The following NDUFA5 variants were observed in gnomAD, a reference collection of about 807,000 sequenced individuals.
NDUFA5 encodes NADH:ubiquinone oxidoreductase subunit A5.
Under a neutral mutation model 19.8 loss-of-function variants are expected in NDUFA5, and 11 were observed. The observed-to-expected ratio is 0.56, with a 90% CI of 0.35 to 0.92. The LOEUF (loss-of-function observed/expected upper bound fraction) is 0.92. Ranked by LOEUF, NDUFA5 falls within the 40% of genes least tolerant of loss-of-function variation. The pLI is 0.01. For synonymous variants in NDUFA5, 47 were observed against 46.8 expected, an observed-to-expected ratio of 1.00 and a Z score of -0.01; for missense variants, 109 against 134.2, an observed-to-expected ratio of 0.81 and a Z score of 0.93.
the NDUFA5 span, among the ~76,000 whole-genome samples, chr7:123,583,951 C>T: frequency 5.9e-5 from 9 of 151,904 alleles, no homozygotes; most frequent in Non-Finnish European, 1.2e-4. Flanking sequence ...TCACTCCTTT[C>T]GGCTGTAAAT....
At chr7:123,550,697 T>G (rs977169214) in intron 2 of NDUFA5, 111 bp from the exon 3 acceptor site, 5 of 681,320 alleles carry the variant, frequency 7.3e-6, no homozygotes, top group East Asian at 5.4e-5. Flanking sequence ...TTTTTTTTTT[T>G]GCTTTTTTTT....
the NDUFA5 span, among the ~76,000 whole-genome samples, chr7:123,573,310 T>C: frequency 2.1e-5 from 3 of 144,442 alleles, no homozygotes; most frequent in Non-Finnish European, 4.5e-5. Flanking sequence ...TTTTTTGTCA[T>C]CTTAGGGTTT....
At chr7:123,549,017 A>G (rs1171037733) in intron 3 of NDUFA5, among the ~76,000 whole-genome samples, 1 of 138,614 alleles carries the variant, frequency 7.2e-6, no homozygotes, top group African/African-American at 2.6e-5. Flanking sequence ...TTGTAGTATT[A>G]TAAGTAACCT....
chr7:123,597,726 G>A, the NDUFA5 span, among the ~76,000 whole-genome samples: 2 of 152,142 alleles, frequency 1.3e-5, no homozygotes, highest in African/African-American at 4.8e-5. Flanking sequence ...AGCTACGCGG[G>A]AGGCTGAGGC....
chr7:123,583,115 GGT>G, the NDUFA5 span, among the ~76,000 whole-genome samples: 1 of 151,946 alleles, frequency 6.6e-6, no homozygotes, highest in Non-Finnish European at 1.5e-5. Context: ...TGTAGACCTA[GGT>G]GCAGTGGCTC....
At position 123,542,183 on chromosome 7, in the gene NDUFA5, T is replaced by C. The variant is rs890933718; in HGVS notation, c.287A>G (p.Glu96Gly). The change falls in exon 5 of 5, where the codon GAA becomes GGA. Residue 96 changes from glutamate to glycine, a missense_variant. Physicochemically the swap from Glu to Gly is moderately conservative, Grantham distance 98. Transcript: ENST00000355749. ...CACTAATGGCTCCCATAGTTTCCATTCCCTCATTTTTCTTGCCAGATTTAG... is the reference window on the plus strand; with the variant it reads ...CACTAATGGCTCCCATAGTTTCCATCCCCTCATTTTTCTTGCCAGATTTAG... ...HELNLARKMR[E>G]WKLWEPLVEE... 2 of 1,612,222 alleles carry C rather than the reference T, an allele frequency of 1.2e-6. No homozygotes were observed. Among genetic ancestry groups the C allele is most frequent in the African/African-American group, 1.3e-5 (1 of 74,832 alleles).
At chr7:123,592,370 T>C in the NDUFA5 span, among the ~76,000 whole-genome samples, 1 of 152,234 alleles carries the variant, frequency 6.6e-6, no homozygotes, top group East Asian at 1.9e-4. Flanking sequence ...CTTTTAATTG[T>C]GATGTTAGGG....
At chr7:123,582,906 C>T in the NDUFA5 span, among the ~76,000 whole-genome samples, 68 of 151,980 alleles carry the variant, frequency 4.5e-4, no homozygotes, top group Middle Eastern at 3.4e-3. Context: ...TCATTTAGAA[C>T]GCTCAGAAAT....
intron 3 of NDUFA5, among the ~76,000 whole-genome samples, chr7:123,547,911 G>A (rs754600244): frequency 3.3e-5 from 5 of 151,756 alleles, no homozygotes; most frequent in Admixed American, 6.6e-5. Flanking sequence ...TACCTCATTC[G>A]GTTCTAACAA....
the NDUFA5 span, chr7:123,598,896 A>G: frequency 6.6e-6 from 1 of 152,252 alleles, no homozygotes; most frequent in East Asian, 1.9e-4. Flanking sequence ...GGAGGAGTTC[A>G]GTGCTAATAG....
the NDUFA5 span, among the ~76,000 whole-genome samples, chr7:123,594,693 TG>T: frequency 6.6e-6 from 1 of 152,152 alleles, no homozygotes; most frequent in African/African-American, 2.4e-5. Context: ...ATGAGGTGTC[TG>T]TCAGCCCCTA....
At chr7:123,545,889 C>A in intron 3 of NDUFA5, 1 of 431,726 alleles carries the variant, frequency 2.3e-6, no homozygotes, top group Non-Finnish European at 4.1e-6. Flanking sequence ...TGTTTATTGA[C>A]ATGCTGATCA....
intron 2 of NDUFA5, among the ~76,000 whole-genome samples, chr7:123,554,488 A>T (rs1209166141): frequency 1.5e-5 from 2 of 135,632 alleles, no homozygotes; most frequent in African/African-American, 5.4e-5. Flanking sequence ...CCAGAAATAA[A>T]CAATTTATAA....
At chr7:123,550,620 T>TA in intron 2 of NDUFA5, 34 bp from the exon 3 acceptor site, 1 of 1,281,652 alleles carries the variant, frequency 7.8e-7, no homozygotes, top group Non-Finnish European at 1.1e-6. Context: ...TTCCATAGGT[T>TA]AAAATATTAC....
At chr7:123,592,425 G>T in the NDUFA5 span, among the ~76,000 whole-genome samples, 1 of 152,158 alleles carries the variant, frequency 6.6e-6, no homozygotes. Context: ...GGCATTTAGT[G>T]CTATAAATTT....
chr7:123,572,620 T>C, the NDUFA5 span, among the ~76,000 whole-genome samples: 1 of 152,060 alleles, frequency 6.6e-6, no homozygotes, highest in Admixed American at 6.6e-5. Flanking sequence ...TTAATGCTTT[T>C]TCTTTTAACT....
At chr7:123,591,906 T>C in the NDUFA5 span, among the ~76,000 whole-genome samples, 1 of 152,212 alleles carries the variant, frequency 6.6e-6, no homozygotes, top group Non-Finnish European at 1.5e-5. Flanking sequence ...CTGGTAGAAT[T>C]TGGCTGTGAA....
chr7:123,553,367 A>G (rs1798427809), intron 2 of NDUFA5, among the ~76,000 whole-genome samples: 2 of 152,200 alleles, frequency 1.3e-5, no homozygotes, highest in African/African-American at 4.8e-5. Context: ...TGCCCTTTAT[A>G]AAACCATCAG....
chr7:123,592,399 C>T, the NDUFA5 span, among the ~76,000 whole-genome samples: 129 of 152,294 alleles, frequency 8.5e-4, no homozygotes, highest in African/African-American at 3.1e-3. Flanking sequence ...TTAGATCTTT[C>T]CTGCTTTCTC....
Sources: allele counts gnomAD v4.1 joint callset (sites outside exome capture counted in the v4.1 genomes callset), GRCh38; gene constraint gnomAD v4.1.1; transcripts MANE v1.5; gene names NCBI Gene and HGNC (gene_info 2026-07-23, HGNC 2026-07-21).